Variants in FAM135B observed in about 807,000 individuals in gnomAD.
FAM135B encodes protein FAM135B.
FAM135B carries 43 observed loss-of-function variants against 127.7 expected under a neutral mutation model. That is an observed-to-expected ratio of 0.34 (90% confidence interval 0.26 to 0.43). FAM135B has a LOEUF of 0.43. FAM135B is among the 20% of genes least tolerant of loss of function. The pLI is 1.00. For missense variants in FAM135B, 1,558 were observed against 1,725.6 expected (o/e 0.90, Z 1.72); for synonymous variants, 670 against 665.1 (o/e 1.01, Z -0.11).
intron 2 of FAM135B, among the ~76,000 whole-genome samples, chr8:138,314,405 G>T (rs1306668114): frequency 2.6e-5 from 4 of 151,754 alleles, no homozygotes; most frequent in Non-Finnish European, 5.9e-5. Flanking sequence ...TATTATCTAG[G>T]ATATATAAAG....
chr8:138,469,554 CT>C (rs2131642812), intron 1 of FAM135B, among the ~76,000 whole-genome samples: 1 of 152,258 alleles, frequency 6.6e-6, no homozygotes, highest in East Asian at 1.9e-4. Context: ...TTAAGCTCAC[CT>C]ATTACAACTG....
At chr8:138,181,634 A>G (rs987721516) in intron 9 of FAM135B, among the ~76,000 whole-genome samples, 1 of 151,770 alleles carries the variant, frequency 6.6e-6, no homozygotes, top group African/African-American at 2.4e-5. Context: ...TTTCATCACT[A>G]TGGACTTGTC....
intron 1 of FAM135B, among the ~76,000 whole-genome samples, chr8:138,445,793 G>C (rs1360625190): frequency 1.3e-5 from 2 of 152,190 alleles, no homozygotes; most frequent in Non-Finnish European, 2.9e-5. Flanking sequence ...AGTGTTGGAA[G>C]TTCTGGCCAG....
At chr8:138,391,650 T>A (rs1229658918) in intron 1 of FAM135B, among the ~76,000 whole-genome samples, 4 of 152,184 alleles carry the variant, frequency 2.6e-5, no homozygotes, top group Admixed American at 2.6e-4. Context: ...TGTCTAACCT[T>A]CCCTTAGTCA....
intron 12 of FAM135B, among the ~76,000 whole-genome samples, chr8:138,165,729 C>T (rs1819852357): frequency 6.6e-6 from 1 of 152,140 alleles, no homozygotes; most frequent in Non-Finnish European, 1.5e-5. Flanking sequence ...TATGCAAACA[C>T]ACATACATAC....
chr8:138,267,664 G>T (rs1313551537), intron 3 of FAM135B, among the ~76,000 whole-genome samples: 1 of 151,792 alleles, frequency 6.6e-6, no homozygotes, highest in Non-Finnish European at 1.5e-5. Flanking sequence ...TTGAAACAGG[G>T]ACACAGGATC....
chr8:138,205,011 C>T (rs929843072), intron 7 of FAM135B, among the ~76,000 whole-genome samples: 5 of 152,162 alleles, frequency 3.3e-5, no homozygotes, highest in East Asian at 1.9e-4. Flanking sequence ...CTGCTGTGTG[C>T]CTGGTACTAT....
chr8:138,296,381 T>C (rs1293846911), intron 3 of FAM135B, among the ~76,000 whole-genome samples: 2 of 152,212 alleles, frequency 1.3e-5, no homozygotes, highest in Non-Finnish European at 2.9e-5. Context: ...ACCAGCTGAG[T>C]CCCCGGTGCT....
chr8:138,208,502 C>A (rs1483153045), intron 7 of FAM135B, among the ~76,000 whole-genome samples: 1 of 152,096 alleles, frequency 6.6e-6, no homozygotes, highest in Non-Finnish European at 1.5e-5. Flanking sequence ...AAAAAATATT[C>A]TTTCTGATCC....
intron 1 of FAM135B, among the ~76,000 whole-genome samples, chr8:138,482,382 A>G (rs1268899383): frequency 6.6e-6 from 1 of 152,166 alleles, no homozygotes; most frequent in East Asian, 1.9e-4. Context: ...TGAGCATCCT[A>G]CCAGGGTTGA....
intron 8 of FAM135B, among the ~76,000 whole-genome samples, chr8:138,196,248 T>C (rs1816616836): frequency 6.6e-6 from 1 of 152,210 alleles, no homozygotes; most frequent in Non-Finnish European, 1.5e-5. Context: ...CATTTTTCAT[T>C]TGAGCTATAT....
intron 1 of FAM135B, among the ~76,000 whole-genome samples, chr8:138,401,988 G>GTA (rs1345862373): frequency 6.6e-6 from 1 of 152,104 alleles, no homozygotes; most frequent in Non-Finnish European, 1.5e-5. Flanking sequence ...ACTGTCTACT[G>GTA]TATGCCTGTC....
intron 7 of FAM135B, among the ~76,000 whole-genome samples, chr8:138,206,465 C>T (rs1586771130): frequency 6.6e-6 from 1 of 150,676 alleles, no homozygotes; most frequent in Non-Finnish European, 1.5e-5. Context: ...ACAACTCCAG[C>T]ATCCCCTCCA....
chr8:138,208,845 T>G (rs936244327), intron 7 of FAM135B, among the ~76,000 whole-genome samples: 2 of 152,202 alleles, frequency 1.3e-5, no homozygotes, highest in African/African-American at 4.8e-5. Flanking sequence ...AATTCTTATA[T>G]TGCCAAGAGA....
chr8:138,177,772 A>G (rs184404779), intron 10 of FAM135B, among the ~76,000 whole-genome samples: 219 of 152,364 alleles, frequency 1.4e-3, no homozygotes, highest in Admixed American at 3.2e-3. Context: ...TAGAATTCCC[A>G]AACCCAGTCA....
chr8:138,307,998 G>C (rs1348523518), intron 3 of FAM135B, among the ~76,000 whole-genome samples: 1 of 152,168 alleles, frequency 6.6e-6, no homozygotes, highest in Non-Finnish European at 1.5e-5. Context: ...TCCCATCACT[G>C]TACATGCAGA....
intron 7 of FAM135B, among the ~76,000 whole-genome samples, chr8:138,237,381 G>C (rs919713805): frequency 3.9e-5 from 6 of 152,038 alleles, no homozygotes; most frequent in African/African-American, 1.4e-4. Context: ...GGCTGTTCTT[G>C]AACTCCTGAC....
chr8:138,289,973 A>G (rs1271805849), intron 3 of FAM135B, among the ~76,000 whole-genome samples: 1 of 152,232 alleles, frequency 6.6e-6, no homozygotes, highest in Admixed American at 6.5e-5. Flanking sequence ...CAAACAGGAA[A>G]CGTAGTTGTC....
At chr8:138,381,204 T>G (rs954928972) in intron 1 of FAM135B, among the ~76,000 whole-genome samples, 1 of 152,164 alleles carries the variant, frequency 6.6e-6, no homozygotes, top group Non-Finnish European at 1.5e-5. Flanking sequence ...TAGGCCCTTC[T>G]TCCCTCGCTG....
Sources: gnomAD v4.1 joint callset for allele counts (sites outside exome capture counted in the v4.1 genomes callset) on GRCh38, gnomAD v4.1.1 for gene constraint, MANE v1.5 for transcripts, NCBI Gene and HGNC (gene_info 2026-07-23, HGNC 2026-07-21) for gene names.